FAM20C: variants seen among roughly 807,000 people sequenced by gnomAD.
The protein encoded by FAM20C is extracellular serine/threonine protein kinase FAM20C.
In FAM20C, 40 loss-of-function variants were observed where a neutral mutation model predicts 51.5. The observed-to-expected ratio is 0.78, with a 90% CI of 0.60 to 1.01. The LOEUF is 1.01. Among genes scored for constraint, FAM20C ranks in the 50% least tolerant of loss-of-function variants. The probability of loss-of-function intolerance (pLI) is 0.00; values close to 1 mark genes in which losing one functional copy is unlikely to be tolerated. For synonymous variants in FAM20C, 406 were observed against 380.6 expected (o/e 1.07, Z -0.78); for missense variants, 861 against 844.7 (o/e 1.02, Z -0.24).
At chr7:244,472 CGCTTAAAACCCGGGAGATTCCACA>C (rs1788069537) in intron 3 of FAM20C, among the ~76,000 whole-genome samples, 1 of 152,222 alleles carries the variant, frequency 6.6e-6, no homozygotes, top group South Asian at 2.1e-4. Flanking sequence ...CATTTGCCAG[CGCTTAAAACCCGGGAGATTCCACA>C]AGGTCTAGAT....
intron 5 of FAM20C, among the ~76,000 whole-genome samples, chr7:248,696 C>T (rs1404804370): frequency 1.0e-4 from 15 of 143,722 alleles, no homozygotes; most frequent in South Asian, 2.3e-4. Flanking sequence ...TAGCCTGGCA[C>T]GGGGGCCCGC....
Position 193,193 on chromosome 7 carries a change from C to T in FAM20C, c.-7C>T. 3 of 1,452,962 alleles carry T rather than the reference C, an allele frequency of 2.1e-6. No homozygotes were observed. Among genetic ancestry groups the T allele is most frequent in the East Asian group, 3.0e-5 (1 of 33,672 alleles). 90.0% of individuals were successfully genotyped at this position (1,452,962 alleles called of 1,614,324 possible). The stretch of plus-strand genomic sequence containing the variant: ...CGCGCTCCAGGCCCGGGCCGGCCCG[C>T]GCGGCCATGAAGATGATGCTGGTGC... On this transcript the variant is annotated 5_prime_UTR_variant, in exon 1 of 10. Coordinates refer to ENST00000313766, the MANE Select transcript of FAM20C (RefSeq NM_020223.4).
chr7:257,055 A>G lies in FAM20C; in HGVS notation c.1414A>G (p.Thr472Ala). Residue 472 changes from threonine to alanine, a missense_variant, in exon 8 of 10, where the codon ACG (threonine) becomes GCG (alanine). Thr to Ala is a moderately conservative substitution (Grantham distance 58, BLOSUM62 0). This residue lies in a region of FAM20C where 269 missense variants were observed against 283.8 expected (regional missense o/e 0.95). Coordinates refer to ENST00000313766, the MANE Select transcript of FAM20C (RefSeq NM_020223.4). ...GACTTTTGAGAAGTTTGGGAATGAA[A>G]CGTTCATCATCCACTTAGACAATGG... is the stretch of plus-strand genomic sequence containing the variant. ...YETFEKFGNE[T>A]FIIHLDNGRG... 6.5e-7 allele frequency: 1 copy of G among 1,537,082 alleles called. No homozygotes were observed. Among genetic ancestry groups the G allele is most frequent in the Non-Finnish European group, 8.7e-7 (1 of 1,146,872 alleles).
chr7:243,944 A>AAGAATT (rs1554254466), intron 3 of FAM20C, among the ~76,000 whole-genome samples: 29 of 136,844 alleles, frequency 2.1e-4, no homozygotes, highest in Admixed American at 5.0e-4. Flanking sequence ...TAATAATAAT[A>AAGAATT]ATTATTATTA....
At chr7:223,062 T>C (rs1364733340) in intron 3 of FAM20C, among the ~76,000 whole-genome samples, 1 of 152,020 alleles carries the variant, frequency 6.6e-6, no homozygotes, top group African/African-American at 2.4e-5. Flanking sequence ...TGCACACTCA[T>C]GCACGTGTGT....
At chr7:242,663 C>A (rs1273402895) in intron 3 of FAM20C, among the ~76,000 whole-genome samples, 12 of 152,106 alleles carry the variant, frequency 7.9e-5, no homozygotes. Context: ...CCAGGTGTGC[C>A]CATTAGATTT....
chr7:254,650 G>A (rs1014548150), intron 5 of FAM20C, among the ~76,000 whole-genome samples: 3 of 152,256 alleles, frequency 2.0e-5, no homozygotes, highest in Admixed American at 6.5e-5. Context: ...GTACAGTTCC[G>A]TGGTTTTTAG....
Position 259,808 on chromosome 7 carries a change from C to A in FAM20C, c.1583C>A (p.Ser528Tyr). ...AAGCTGAGCCTGCTGATGGCCGAGTCTCTGCGGGGGGACCAGGTGGCACCC... is the reference window on the plus strand; with the variant it reads ...AAGCTGAGCCTGCTGATGGCCGAGTATCTGCGGGGGGACCAGGTGGCACCC... ...EYKLSLLMAE[S>Y]LRGDQVAPVL... The change falls in exon 10 of 10, where the codon TCT becomes TAT. Residue 528 changes from serine (S) to tyrosine (Y), a missense_variant. Around this residue, in one of 3 missense-constraint regions of FAM20C, gnomAD observed 269 missense variants for 283.8 expected, o/e 0.95. Coordinates refer to ENST00000313766, the MANE Select transcript of FAM20C (RefSeq NM_020223.4). The A allele has an allele frequency of 4.6e-6, 7 of 1,536,578 alleles. No individual in the cohort carries two copies. Among genetic ancestry groups the A allele is most frequent in the Non-Finnish European group, 6.1e-6 (7 of 1,146,878 alleles).
At chr7:204,293 C>G (rs1269683510) in intron 2 of FAM20C, among the ~76,000 whole-genome samples, 3 of 152,212 alleles carry the variant, frequency 2.0e-5, no homozygotes, top group Non-Finnish European at 4.4e-5. Flanking sequence ...CCGCCTGAGG[C>G]TGGCGTTCAG....
chr7:192,678 C>T lies in FAM20C; in HGVS notation c.-522C>T, dbSNP rs1489997480. 6.8e-6 allele frequency among the ~76,000 whole-genome samples: 1 copy of T among 146,650 alleles called. No homozygotes were observed. The highest frequency in any genetic ancestry group is 2.5e-5 in the African/African-American group (1 of 40,706). On this transcript the variant is annotated 5_prime_UTR_variant, in exon 1 of 10. Coordinates refer to ENST00000313766, the MANE Select transcript of FAM20C (RefSeq NM_020223.4). ...CCCTTCCGCCCTTCGCCCCCCCCTT[C>T]CCCCCAGCCCCGGTCTCCCGGGCGC...
At position 260,613 on chromosome 7, in the gene FAM20C, G is replaced by C. The variant is rs1387739376; in HGVS notation, c.*633G>C. 1.3e-5 allele frequency: 2 copies of C among 152,366 alleles called. No individual in the cohort carries two copies. The highest frequency in any genetic ancestry group is 1.3e-4 in the Admixed American group (2 of 15,288). The allele number at this position is 152,366 out of a possible 1,614,324, so 9.4% of individuals were successfully genotyped here. A position where few individuals can be genotyped will look rare whatever the true frequency, so the allele number is the denominator to read the frequency against. On this transcript the variant is annotated 3_prime_UTR_variant, in exon 10 of 10. Coordinates refer to ENST00000313766, the MANE Select transcript of FAM20C (RefSeq NM_020223.4). Reference sequence around the variant, plus strand: ...CCCGCTGGCCTGCAGCACCCACCTCGGACTTGGCTGTGGACGGTTGGTGCA... The same window carrying C: ...CCCGCTGGCCTGCAGCACCCACCTCCGACTTGGCTGTGGACGGTTGGTGCA...
At chr7:203,888 C>T (rs1374956303) in intron 2 of FAM20C, among the ~76,000 whole-genome samples, 1 of 152,170 alleles carries the variant, frequency 6.6e-6, no homozygotes, top group Non-Finnish European at 1.5e-5. Context: ...CTGTTAAATC[C>T]TGTGACCCCA....
At chr7:196,217 C>T (rs550906838) in intron 2 of FAM20C, among the ~76,000 whole-genome samples, 3 of 152,362 alleles carry the variant, frequency 2.0e-5, no homozygotes, top group African/African-American at 7.2e-5. Flanking sequence ...AGGCGCTGTG[C>T]AGTTTCATAC....
chr7:249,696 C>T (rs183690445), intron 5 of FAM20C, among the ~76,000 whole-genome samples: 141 of 152,198 alleles, frequency 9.3e-4, no homozygotes, highest in Non-Finnish European at 1.1e-3. Context: ...GTGGGGGTTG[C>T]ACCACTGCAC....
chr7:229,636 A>G (rs1165411557), intron 3 of FAM20C: 1 of 152,334 alleles, frequency 6.6e-6, no homozygotes, highest in African/African-American at 2.4e-5. Flanking sequence ...GGCTGGAACA[A>G]GTGACGCAGA....
intron 8 of FAM20C, chr7:257,599 G>A (rs1265494202): frequency 5.4e-6 from 1 of 183,878 alleles, no homozygotes; most frequent in Non-Finnish European, 1.1e-5. Flanking sequence ...AGGCCTCAGA[G>A]AGATGGACTT....
chr7:210,799 TGAG>T (rs1786672299), intron 3 of FAM20C, among the ~76,000 whole-genome samples: 1 of 152,062 alleles, frequency 6.6e-6, no homozygotes, highest in Non-Finnish European at 1.5e-5. Flanking sequence ...TTCTCATCTC[TGAG>T]GAGGTGGAAA....
rs1045308505 is a variant in FAM20C at position 233,187 on chromosome 7, G to A, written c.864-13228G>A. ...GAGCCATGGGGGCTCCCGTGAGGAC[G>A]CGTCGCCTGGCCCGGGGATGCACGT... On this transcript the variant is annotated intron_variant, in intron 3 of 9. Transcript: ENST00000313766. Among the ~76,000 whole-genome samples the A allele has an allele frequency of 9.8e-4, 149 of 152,340 alleles. 1 individual carries two copies. In the East Asian group the frequency reaches 0.024, roughly 25 times the overall value.
chr7:206,566 AC>A (rs1786403596), intron 2 of FAM20C, among the ~76,000 whole-genome samples: 2 of 64,294 alleles, frequency 3.1e-5, no homozygotes, highest in Admixed American at 1.5e-4. Context: ...CGCGTCGGTC[AC>A]TGTCCCCTCA....
Sources: gnomAD v4.1 joint callset for allele counts (sites outside exome capture counted in the v4.1 genomes callset) on GRCh38, gnomAD v4.1.1 for gene constraint, gnomAD v4.1.1 regional missense constraint, MANE v1.5 for transcripts, NCBI Gene and HGNC (gene_info 2026-07-23, HGNC 2026-07-21) for gene names.